Variants in SLC7A11 observed in about 807,000 individuals in gnomAD.
The protein encoded by SLC7A11 is solute carrier family 7 member 11.
SLC7A11 carries 35 observed loss-of-function variants against 54.5 expected under a neutral mutation model. The observed-to-expected ratio is 0.64, with a 90% confidence interval of 0.49 to 0.85. The LOEUF is 0.85. Ranked by LOEUF, SLC7A11 falls within the 40% of genes least tolerant of loss-of-function variation. SLC7A11 has a pLI of 0.00. For missense variants in SLC7A11, 583 were observed against 618.1 expected (o/e 0.94, Z 0.60); for synonymous variants, 230 against 225.2 (o/e 1.02, Z -0.19).
At chr4:138,197,198 A>G (rs1737158419) in intron 6 of SLC7A11, among the ~76,000 whole-genome samples, 4 of 152,282 alleles carry the variant, frequency 2.6e-5, no homozygotes, top group African/African-American at 9.6e-5. Flanking sequence ...TACATATATA[A>G]TAATTAAATT....
intron 8 of SLC7A11, 148 bp from the exon 9 acceptor site, chr4:138,182,541 G>A (rs1248820723): frequency 1.7e-6 from 1 of 592,124 alleles, no homozygotes; most frequent in African/African-American, 1.9e-5. Context: ...TTTCAAATAA[G>A]GTGGAGAAAT....
intron 3 of SLC7A11, among the ~76,000 whole-genome samples, chr4:138,229,697 C>T (rs924202142): frequency 6.6e-6 from 1 of 152,102 alleles, no homozygotes; most frequent in Non-Finnish European, 1.5e-5. Flanking sequence ...TACGAATTTT[C>T]CCTTTAAAAT....
chr4:138,180,797 G>T lies in SLC7A11; in HGVS notation c.1117-7C>A, dbSNP rs752729293. ...TTATCATTGTCAAAGGGTGCTGAGG[G>T]GGGAAAGGGAAGCAAGCTTGGTGAA... On this transcript the variant is annotated splice_polypyrimidine_tract_variant and splice_region_variant and intron_variant, in intron 9 of 11. Coordinates refer to ENST00000280612, the MANE Select transcript of SLC7A11 (RefSeq NM_014331.4). 38 of 1,607,006 alleles carry T rather than the reference G, an allele frequency of 2.4e-5. No individual in the cohort carries two copies. The Admixed American group carries it at 6.5e-4, about 27-fold the overall frequency.
chr4:138,206,995 G>GC (rs1441684072), intron 6 of SLC7A11, among the ~76,000 whole-genome samples: 127 of 18,420 alleles, frequency 6.9e-3, no homozygotes, highest in African/African-American at 0.016. Flanking sequence ...CTAAAGAAAA[G>GC]CAAAAAAAAA....
intron 6 of SLC7A11, among the ~76,000 whole-genome samples, chr4:138,197,577 C>A (rs1421323155): frequency 1.3e-5 from 2 of 151,914 alleles, no homozygotes; most frequent in Non-Finnish European, 2.9e-5. Flanking sequence ...TTATATAGAG[C>A]AGATTTAATT....
chr4:138,188,771 T>C (rs1413331754), intron 6 of SLC7A11, among the ~76,000 whole-genome samples: 2 of 152,206 alleles, frequency 1.3e-5, no homozygotes, highest in Admixed American at 6.5e-5. Context: ...CTCTGTGTTC[T>C]TGTGAGGTAT....
intron 2 of SLC7A11, among the ~76,000 whole-genome samples, chr4:138,233,908 G>T (rs183908890): frequency 6.0e-4 from 91 of 151,926 alleles, no homozygotes; most frequent in African/African-American, 2.1e-3. Context: ...GCAACTAATT[G>T]ACTATGTTTT....
In SLC7A11 at chr4:138,219,465, G is replaced by A. The variant is rs1298850658; in HGVS notation, c.647-100C>T. 5.8e-6 allele frequency: 4 copies of A among 687,434 alleles called. No homozygotes were observed. The East Asian group carries it at 1.1e-4, about 18-fold the overall frequency. 42.6% of individuals were successfully genotyped at this position (687,434 alleles called of 1,614,324 possible). On this transcript the variant is annotated intron_variant, in intron 4 of 11. Coordinates refer to ENST00000280612, the MANE Select transcript of SLC7A11 (RefSeq NM_014331.4). The stretch of plus-strand genomic sequence containing the variant: ...GGTGCGGAGAAACATACTGTTGTAA[G>A]TCTAGATTTCTTACTCTCTGTTGAT...
At position 138,236,348 on chromosome 4, in the gene SLC7A11, G is replaced by T. The variant is rs1318668304; in HGVS notation, c.381C>A (p.Val127=). 1.9e-6 allele frequency: 3 copies of T among 1,613,010 alleles called. No individual in the cohort carries two copies. The highest frequency in any genetic ancestry group is 3.3e-5 in the Admixed American group (2 of 59,906). The change falls in exon 2 of 12, where the codon GTC becomes GTA. Residue 127 remains valine (V), a synonymous_variant. Transcript: ENST00000280612. ...ACCGTATTATGAGGAGTTCCACCCA[G>T]ACTCGTACAAAAGCTGGTAATGGAC... ...VFGPLPAFVR[V]WVELLIIRPA...
intron 6 of SLC7A11, among the ~76,000 whole-genome samples, chr4:138,187,873 A>G (rs1203920471): frequency 6.6e-6 from 1 of 152,090 alleles, no homozygotes; most frequent in African/African-American, 2.4e-5. Context: ...TTTTTTTTAT[A>G]GAGAAGGAGG....
chr4:138,236,987 T>TC (rs1431214145), intron 1 of SLC7A11, among the ~76,000 whole-genome samples: 58 of 143,134 alleles, frequency 4.1e-4, no homozygotes, highest in Non-Finnish European at 4.9e-4. Flanking sequence ...AGATTTCTTT[T>TC]TTTTTTTTTT....
intron 8 of SLC7A11, among the ~76,000 whole-genome samples, 170 bp downstream of exon 8, chr4:138,183,032 A>G (rs1328534338): frequency 6.6e-6 from 1 of 152,108 alleles, no homozygotes; most frequent in Non-Finnish European, 1.5e-5. Flanking sequence ...GTGCCCTCTA[A>G]TGGACAGAAT....
At chr4:138,228,758 C>CAAAAAAAAAAAAAAAAAAAA (rs5862371) in intron 3 of SLC7A11, among the ~76,000 whole-genome samples, 1 of 67,776 alleles carries the variant, frequency 1.5e-5, no homozygotes, top group Non-Finnish European at 2.6e-5. Flanking sequence ...GACTCCGTCT[C>CAAAAAAAAAAAAAAAAAAAA]AAAAAAAAAA....
chr4:138,219,071 G>A (rs929237787), intron 5 of SLC7A11, among the ~76,000 whole-genome samples, 195 bp downstream of exon 5: 1 of 152,156 alleles, frequency 6.6e-6, no homozygotes, highest in Non-Finnish European at 1.5e-5. Context: ...CTGGAAACCT[G>A]TTATGTTTAG....
intron 3 of SLC7A11, among the ~76,000 whole-genome samples, chr4:138,227,000 T>C (rs1737961597): frequency 6.6e-6 from 1 of 152,178 alleles, no homozygotes; most frequent in Admixed American, 6.5e-5. Flanking sequence ...CTATAAATCC[T>C]GGAGATAAGA....
chr4:138,238,061 A>G (rs1450594334), intron 1 of SLC7A11, among the ~76,000 whole-genome samples: 4 of 152,004 alleles, frequency 2.6e-5, no homozygotes, highest in Admixed American at 6.6e-5. Flanking sequence ...CCCAGAATAT[A>G]CTTTTTAAAA....
intron 3 of SLC7A11, among the ~76,000 whole-genome samples, chr4:138,230,434 T>C (rs897544568): frequency 3.5e-5 from 5 of 144,384 alleles, no homozygotes; most frequent in African/African-American, 1.3e-4. Context: ...AAAGAAAAAA[T>C]AATGAAAAAG....
At chr4:138,173,716 C>G (rs1348941229) in intron 11 of SLC7A11, among the ~76,000 whole-genome samples, 1 of 151,582 alleles carries the variant, frequency 6.6e-6, no homozygotes, top group Admixed American at 6.6e-5. Flanking sequence ...ATTTTACAGT[C>G]TATATTAATT....
chr4:138,215,225 A>G (rs1737652479), intron 5 of SLC7A11, among the ~76,000 whole-genome samples: 1 of 152,158 alleles, frequency 6.6e-6, no homozygotes. Flanking sequence ...CTATGCTTAG[A>G]AAATTTTTGT....
Sources: allele counts gnomAD v4.1 joint callset (sites outside exome capture counted in the v4.1 genomes callset), GRCh38; gene constraint gnomAD v4.1.1; transcripts MANE v1.5; gene names NCBI Gene and HGNC (gene_info 2026-07-23, HGNC 2026-07-21).